The following HDAC4 variants were observed in gnomAD, a reference collection of about 807,000 sequenced individuals.
HDAC4 encodes histone deacetylase 4.
A neutral mutation model predicts 135.1 loss-of-function variants in HDAC4; 16 were observed. The observed-to-expected ratio is 0.12, with a 90% CI of 0.08 to 0.18. The LOEUF (loss-of-function observed/expected upper bound fraction) is 0.18, where lower values mean the gene tolerates loss of function less well. Ranked by LOEUF, HDAC4 falls within the 10% of genes least tolerant of loss-of-function variation. The probability of loss-of-function intolerance (pLI) is 1.00; values close to 1 mark genes in which losing one functional copy is unlikely to be tolerated. For missense variants in HDAC4, 1,143 were observed against 1,511.8 expected, an observed-to-expected ratio of 0.76 and a Z score of 4.05; for synonymous variants, 685 against 653.4, an observed-to-expected ratio of 1.05 and a Z score of -0.74.
intron 3 of HDAC4, among the ~76,000 whole-genome samples, chr2:239,217,971 G>A (rs2046734539): frequency 2.0e-5 from 3 of 152,086 alleles, no homozygotes. Flanking sequence ...ACGTGCCTGT[G>A]GTTCCAGCTA....
intron 9 of HDAC4, among the ~76,000 whole-genome samples, chr2:239,136,402 A>G (rs948577662): frequency 3.9e-5 from 6 of 152,292 alleles, no homozygotes; most frequent in African/African-American, 1.2e-4. Context: ...ATGGTATTCC[A>G]CTGTGTACAG....
At chr2:239,300,623 C>T (rs990790978) in intron 2 of HDAC4, among the ~76,000 whole-genome samples, 10 of 152,272 alleles carry the variant, frequency 6.6e-5, no homozygotes, top group African/African-American at 1.9e-4. Flanking sequence ...CTCTGCTCCA[C>T]CCATGTGGAT....
intron 4 of HDAC4, among the ~76,000 whole-genome samples, chr2:239,178,046 T>C (rs1031263105): frequency 1.3e-5 from 2 of 152,144 alleles, no homozygotes; most frequent in South Asian, 4.1e-4. Context: ...ATGGCTCCGC[T>C]CTCGTTCGCA....
At chr2:239,138,714 T>G (rs914023820) in intron 9 of HDAC4, among the ~76,000 whole-genome samples, 4 of 152,150 alleles carry the variant, frequency 2.6e-5, no homozygotes, top group Admixed American at 2.6e-4. Context: ...GGGGGTGGCC[T>G]CTCCTTGTCA....
intron 3 of HDAC4, among the ~76,000 whole-genome samples, chr2:239,197,148 G>C (rs920241961): frequency 6.6e-6 from 1 of 152,204 alleles, no homozygotes. Context: ...GGAGGCATGA[G>C]AGTAAGTTCT....
chr2:239,144,753 C>A, intron 7 of HDAC4, 39 bp from the exon 8 acceptor site: 1 of 1,607,818 alleles, frequency 6.2e-7, no homozygotes, highest in South Asian at 1.1e-5. Flanking sequence ...CAGGCAGACA[C>A]CACTGGCTCA....
intron 12 of HDAC4, among the ~76,000 whole-genome samples, chr2:239,120,384 C>T (rs1390679126): frequency 2.0e-5 from 3 of 151,130 alleles, no homozygotes; most frequent in Non-Finnish European, 4.4e-5. Context: ...CCCGCAGAGG[C>T]ACACACAGAC....
intron 2 of HDAC4, among the ~76,000 whole-genome samples, chr2:239,293,750 C>A (rs2051677192): frequency 6.6e-6 from 1 of 152,220 alleles, no homozygotes; most frequent in African/African-American, 2.4e-5. Flanking sequence ...GGGTCCACTG[C>A]ACCCTATACT....
rs1458744438 is a variant in HDAC4 at position 239,236,578 on chromosome 2, G to C, written c.94+15C>G. ...CGCAGGGCCGGCCGGACAGGGCAGG[G>C]GTGGGCGGACTTACCCGTGCTGGGC... On this transcript the variant is annotated intron_variant, in intron 3 of 26. Coordinates refer to ENST00000543185, the MANE Select transcript of HDAC4 (RefSeq NM_001378414.1). 6.5e-7 allele frequency: 1 copy of C among 1,549,456 alleles called. No individual in the cohort carries two copies. The highest frequency in any genetic ancestry group is 2.0e-5 in the Admixed American group (1 of 51,006).
chr2:239,248,449 G>C (rs2048595423), intron 2 of HDAC4, among the ~76,000 whole-genome samples: 1 of 152,074 alleles, frequency 6.6e-6, no homozygotes, highest in Non-Finnish European at 1.5e-5. Context: ...CAAAGTGCTG[G>C]GATTACAGGC....
intron 24 of HDAC4, chr2:239,055,153 G>A: frequency 5.7e-6 from 2 of 350,244 alleles, no homozygotes; most frequent in East Asian, 1.4e-4. Context: ...AGGGTTCCAT[G>A]AGGGGGAGTG....
intron 2 of HDAC4, among the ~76,000 whole-genome samples, chr2:239,324,402 A>G (rs138306496): frequency 2.0e-5 from 3 of 152,370 alleles, no homozygotes; most frequent in African/African-American, 7.2e-5. Flanking sequence ...CAAGAGAACA[A>G]TAGCAATTTT....
In HDAC4 at chr2:239,068,707, G is replaced by C; in HGVS notation, c.2751-100C>G. On this transcript the variant is annotated intron_variant, in intron 22 of 26. Transcript: ENST00000543185. The surrounding 1 kb of genome is among the most constrained non-coding windows in gnomAD (Gnocchi z 4.4). ...CTCTGGCATTGATAATGCCTGCCCC[G>C]CACCCCCTCGGCCACTGGCGGGCTG... 2.9e-6 allele frequency: 3 copies of C among 1,024,454 alleles called. No individual in the cohort carries two copies. The highest frequency in any genetic ancestry group is 1.3e-5 in the South Asian group (1 of 78,654). The allele number at this position is 1,024,454 out of a possible 1,614,324, so 63.5% of individuals were successfully genotyped here.
chr2:239,275,654 T>C (rs11681412), intron 2 of HDAC4, among the ~76,000 whole-genome samples: 63,607 of 151,824 alleles, frequency 0.42, 14,153 homozygotes, highest in African/African-American at 0.56. Context: ...CTGGGTTCGG[T>C]ACTGCCACCC....
In HDAC4 at chr2:239,176,432, G is replaced by A; in HGVS notation, c.471C>T (p.Asn157=). Residue 157 remains asparagine (N), a synonymous_variant, in exon 5 of 27, where the codon AAC becomes AAT. Coordinates refer to ENST00000543185, the MANE Select transcript of HDAC4 (RefSeq NM_001378414.1). ...HREQKLQQLK[N]KEKGKESAVA... is the part of the protein sequence containing the mutation. ...ACTCACTCTCTTTGCCCTTCTCCTT[G>A]TTCTTGAGCTGCTGCAGCTTCTGCT... The A allele has an allele frequency of 6.2e-7, 1 of 1,612,774 alleles. No homozygotes were observed. The highest frequency in any genetic ancestry group is 1.1e-5 in the South Asian group (1 of 91,064).
rs1025034448 is a variant in HDAC4, at chr2:239,299,810, G to A, written c.22+52868C>T. 6.6e-6 allele frequency among the ~76,000 whole-genome samples: 1 copy of A among 152,178 alleles called. No individual in the cohort carries two copies. The highest frequency in any genetic ancestry group is 1.5e-5 in the Non-Finnish European group (1 of 68,038). Reference sequence around the variant, plus strand: ...TCCGCTCTGCTCCCGGCATGTCACAGGGGAGGCACACACCAGACGAACCAA... The same window carrying A: ...TCCGCTCTGCTCCCGGCATGTCACAAGGGAGGCACACACCAGACGAACCAA... On this transcript the variant is annotated intron_variant, in intron 2 of 26. Coordinates refer to ENST00000543185, the MANE Select transcript of HDAC4 (RefSeq NM_001378414.1). The surrounding 1 kb of genome is among the most constrained non-coding windows in gnomAD (Gnocchi z 4.0).
chr2:239,293,107 T>C (rs1169668672), intron 2 of HDAC4, among the ~76,000 whole-genome samples: 2 of 152,176 alleles, frequency 1.3e-5, no homozygotes, highest in Non-Finnish European at 2.9e-5. Flanking sequence ...GGAAATGACT[T>C]TCCTTCCCAG....
At chr2:239,101,301 G>A (rs115447429) in intron 16 of HDAC4, among the ~76,000 whole-genome samples, 183 of 152,334 alleles carry the variant, frequency 1.2e-3, no homozygotes, top group African/African-American at 4.3e-3. Context: ...CTGGCTCCAT[G>A]GTCTGTGACC....
intron 3 of HDAC4, among the ~76,000 whole-genome samples, chr2:239,229,938 C>A (rs533220814): frequency 1.3e-5 from 2 of 152,140 alleles, no homozygotes; most frequent in African/African-American, 4.8e-5. Flanking sequence ...AATTTCCCCC[C>A]CAAGAGGCAG....
Sources: gnomAD v4.1 joint callset for allele counts (sites outside exome capture counted in the v4.1 genomes callset) on GRCh38, gnomAD v4.1.1 for gene constraint, Gnocchi (gnomAD v3.1) non-coding constraint, MANE v1.5 for transcripts, NCBI Gene and HGNC (gene_info 2026-07-23, HGNC 2026-07-21) for gene names.